The following FBXL17 variants were observed in gnomAD, a reference collection of about 807,000 sequenced individuals.
FBXL17 encodes F-box/LRR-repeat protein 17.
A neutral mutation model predicts 66.2 loss-of-function variants in FBXL17; 22 were observed. The ratio of observed to expected loss-of-function variants is 0.33; its 90% confidence interval spans 0.24 to 0.47. The LOEUF is 0.47. FBXL17 is among the 20% of genes least tolerant of loss of function. FBXL17 has a pLI of 1.00. For synonymous variants in FBXL17, 474 were observed against 400.5 expected, an observed-to-expected ratio of 1.18 and a Z score of -2.19; for missense variants, 878 against 948.2, an observed-to-expected ratio of 0.93 and a Z score of 0.97.
At chr5:108,314,853 C>T (rs1348010273) in intron 4 of FBXL17, among the ~76,000 whole-genome samples, 3 of 151,248 alleles carry the variant, frequency 2.0e-5, no homozygotes, top group Non-Finnish European at 3.0e-5. Context: ...CAAAACACTG[C>T]AGACTAGGTT....
At chr5:108,157,687 T>C (rs549261047) in intron 6 of FBXL17, among the ~76,000 whole-genome samples, 1 of 151,970 alleles carries the variant, frequency 6.6e-6, no homozygotes, top group Non-Finnish European at 1.5e-5. Flanking sequence ...TGAGCCATAT[T>C]TTAAGAAATA....
At chr5:108,363,266 T>G (rs552579263) in intron 3 of FBXL17, among the ~76,000 whole-genome samples, 57 of 152,132 alleles carry the variant, frequency 3.7e-4, no homozygotes, top group African/African-American at 1.3e-3. Flanking sequence ...TTCTATTTTA[T>G]GTATATATGA....
At chr5:107,978,290 C>G (rs578092624) in intron 7 of FBXL17, among the ~76,000 whole-genome samples, 3 of 152,082 alleles carry the variant, frequency 2.0e-5, no homozygotes, top group Admixed American at 1.3e-4. Flanking sequence ...TATAGTTTAA[C>G]TTTGAAGCAG....
chr5:108,297,886 C>T, intron 4 of FBXL17: 1 of 933,454 alleles, frequency 1.1e-6, no homozygotes, highest in Non-Finnish European at 1.3e-6. Flanking sequence ...AACAAAAAAC[C>T]TAAAATATTC....
intron 7 of FBXL17, among the ~76,000 whole-genome samples, chr5:107,906,684 G>T (rs568779604): frequency 1.3e-5 from 2 of 152,242 alleles, no homozygotes; most frequent in African/African-American, 4.8e-5. Context: ...AGGACATAAG[G>T]TAAAAACATT....
intron 6 of FBXL17, among the ~76,000 whole-genome samples, chr5:108,176,987 G>A (rs1207466867): frequency 6.6e-6 from 1 of 152,124 alleles, no homozygotes; most frequent in Non-Finnish European, 1.5e-5. Flanking sequence ...CAAAGGTACT[G>A]AACCATTTGA....
chr5:108,355,472 G>A (rs1404294209), intron 3 of FBXL17, among the ~76,000 whole-genome samples: 1 of 151,794 alleles, frequency 6.6e-6, no homozygotes, highest in African/African-American at 2.4e-5. Context: ...TAGTAGAGAC[G>A]GGGTTTTGCC....
At chr5:108,205,157 C>A (rs753575000) in intron 5 of FBXL17, among the ~76,000 whole-genome samples, 15 of 152,096 alleles carry the variant, frequency 9.9e-5, no homozygotes, top group Non-Finnish European at 2.1e-4. Flanking sequence ...AAGCCATCCT[C>A]CCGCTTCAGC....
intron 6 of FBXL17, among the ~76,000 whole-genome samples, chr5:108,126,761 A>C (rs993624563): frequency 6.6e-6 from 1 of 151,144 alleles, no homozygotes; most frequent in South Asian, 2.1e-4. Context: ...CACTGACTTT[A>C]AAAAGCTTTC....
At chr5:108,338,623 G>C (rs1561537908) in intron 4 of FBXL17, among the ~76,000 whole-genome samples, 1 of 152,082 alleles carries the variant, frequency 6.6e-6, no homozygotes, top group African/African-American at 2.4e-5. Context: ...CTGCAACCTA[G>C]ATGTGGCTAC....
At chr5:108,290,853 A>C (rs10036343) in intron 4 of FBXL17, among the ~76,000 whole-genome samples, 75,332 of 151,974 alleles carry the variant, frequency 0.5, 18,737 homozygotes, top group African/African-American at 0.52. Context: ...TAAGCAATTT[A>C]AAGTATATAC....
chr5:108,309,142 TG>T (rs1437104573), intron 4 of FBXL17, among the ~76,000 whole-genome samples: 3 of 152,066 alleles, frequency 2.0e-5, no homozygotes, highest in African/African-American at 4.8e-5. Flanking sequence ...ATCAATACAA[TG>T]GAAGACCAAA....
intron 6 of FBXL17, among the ~76,000 whole-genome samples, chr5:108,094,477 T>C (rs1749298167): frequency 6.6e-6 from 1 of 152,056 alleles, no homozygotes. Context: ...CCAGAAAACT[T>C]TTCCATATTC....
chr5:108,142,191 T>A (rs757964717), intron 6 of FBXL17, among the ~76,000 whole-genome samples: 2 of 152,210 alleles, frequency 1.3e-5, no homozygotes, highest in Non-Finnish European at 2.9e-5. Context: ...ACTTAAAATA[T>A]TCTCTCTCTA....
intron 8 of FBXL17, chr5:107,879,800 G>A (rs2112499057): frequency 2.0e-6 from 2 of 985,394 alleles, no homozygotes; most frequent in Non-Finnish European, 2.4e-6. Flanking sequence ...GGCACTTTCT[G>A]AGCAAGTATC....
intron 7 of FBXL17, among the ~76,000 whole-genome samples, chr5:107,940,280 T>C (rs776452321): frequency 8.5e-5 from 13 of 152,134 alleles, no homozygotes; most frequent in Non-Finnish European, 1.8e-4. Context: ...CATCCATTCA[T>C]GTAGTTCCTA....
intron 6 of FBXL17, among the ~76,000 whole-genome samples, chr5:108,161,460 T>A (rs1165882078): frequency 6.6e-6 from 1 of 151,358 alleles, no homozygotes; most frequent in African/African-American, 2.4e-5. Flanking sequence ...CACTCCAGCC[T>A]GGGCGACAGC....
At chr5:107,899,496 T>C (rs1580695301) in intron 7 of FBXL17, among the ~76,000 whole-genome samples, 1 of 152,088 alleles carries the variant, frequency 6.6e-6, no homozygotes, top group South Asian at 2.1e-4. Context: ...CTTTAAAAGG[T>C]GTGATGGCAG....
At chr5:107,865,969 A>G (rs1398405324) in intron 8 of FBXL17, among the ~76,000 whole-genome samples, 1 of 152,212 alleles carries the variant, frequency 6.6e-6, no homozygotes, top group African/African-American at 2.4e-5. Flanking sequence ...TTATGCCTAC[A>G]TGCACATTCC....
Sources: allele counts gnomAD v4.1 joint callset (sites outside exome capture counted in the v4.1 genomes callset), GRCh38; gene constraint gnomAD v4.1.1; transcripts MANE v1.5; gene names NCBI Gene and HGNC (gene_info 2026-07-23, HGNC 2026-07-21).